The following CHAT variants were observed in gnomAD, a reference collection of about 807,000 sequenced individuals.
CHAT encodes acetyl CoA:choline O-acetyltransferase.
In CHAT, 61 loss-of-function variants were observed where a neutral mutation model predicts 76.9. That is an observed-to-expected ratio of 0.79 (90% CI 0.65 to 0.98). CHAT has a LOEUF of 0.98. CHAT is among the 50% of genes least tolerant of loss of function. The pLI, the probability that CHAT is intolerant of heterozygous loss-of-function variation, is 0.00. For synonymous variants in CHAT, 407 were observed against 397.4 expected (o/e 1.02, Z -0.29); for missense variants, 946 against 986.9 (o/e 0.96, Z 0.56).
chr10:49,634,538 G>T (rs72795715), intron 7 of CHAT, among the ~76,000 whole-genome samples: 1 of 151,948 alleles, frequency 6.6e-6, no homozygotes, highest in African/African-American at 2.4e-5. Context: ...TGAACTCTGT[G>T]GTGCATTTTG....
chr10:49,614,844 G>T (rs1838424453), intron 1 of CHAT, among the ~76,000 whole-genome samples: 1 of 152,254 alleles, frequency 6.6e-6, no homozygotes, highest in Non-Finnish European at 1.5e-5. Context: ...GGAGCAGGGG[G>T]TGGGGAAGGA....
In CHAT at chr10:49,665,718, A is replaced by C. The variant is rs1664496998; in HGVS notation, c.*672A>C. Among the ~76,000 whole-genome samples, 1 of 152,104 alleles carries C rather than the reference A, an allele frequency of 6.6e-6. No homozygotes were observed. Among genetic ancestry groups the C allele is most frequent in the Non-Finnish European group, 1.5e-5 (1 of 68,012 alleles). On this transcript the variant is annotated 3_prime_UTR_variant, in exon 15 of 15. Coordinates refer to ENST00000337653, the MANE Select transcript of CHAT (RefSeq NM_020549.5). ...CTGTTGAGCTCAGAAAATTGTGTCC[A>C]GCTATTCTGAAAGGAAAAAAAAATT...
In CHAT at chr10:49,619,907, A is replaced by C; in HGVS notation, c.570A>C (p.Thr190=). 1 of 1,611,590 alleles carries C rather than the reference A, an allele frequency of 6.2e-7. No individual in the cohort carries two copies. The change falls in exon 3 of 15, where the codon ACA becomes ACC. Residue 190 remains threonine (T), a synonymous_variant. Transcript: ENST00000337653. ...QQKLLERQEK[T]ANWVSEYWLN... ...AACTCCTGGAGCGGCAGGAGAAGAC[A>C]GCCAACTGGGTAAGAGGGGCAGACA... is the stretch of plus-strand genomic sequence containing the variant.
At chr10:49,660,582 T>C (rs1840163806) in intron 13 of CHAT, among the ~76,000 whole-genome samples, 1 of 152,218 alleles carries the variant, frequency 6.6e-6, no homozygotes, top group Admixed American at 6.5e-5. Context: ...TAAAAGACTG[T>C]AAGGAATTAC....
At chr10:49,615,689 C>T in intron 1 of CHAT, 1 of 321,756 alleles carries the variant, frequency 3.1e-6, no homozygotes, top group East Asian at 5.6e-5. Flanking sequence ...AATTGTGACC[C>T]ACAGCCTAAT....
At chr10:49,646,410 G>A (rs533450667) in intron 7 of CHAT, 95 bp from the exon 8 acceptor site, 531 of 1,484,006 alleles carry the variant, frequency 3.6e-4, no homozygotes, top group Non-Finnish European at 4.5e-4. Flanking sequence ...TGTGATCCCA[G>A]AAGACAGGGC....
chr10:49,651,869 C>T lies in CHAT; in HGVS notation c.1512-15C>T, dbSNP rs757451959. On this transcript the variant is annotated splice_polypyrimidine_tract_variant and intron_variant, in intron 10 of 14. Coordinates refer to ENST00000337653, the MANE Select transcript of CHAT (RefSeq NM_020549.5). The stretch of plus-strand genomic sequence containing the variant: ...TTTGCATGCAATAAAAACATCTTTT[C>T]TTTTTCTTCCTCAGAATAGTAAAGA... 15 of 1,611,834 alleles carry T rather than the reference C, an allele frequency of 9.3e-6. No individual in the cohort carries two copies. The highest frequency in any genetic ancestry group is 2.2e-5 in the East Asian group (1 of 44,890).
In CHAT at chr10:49,664,905, T is replaced by G; in HGVS notation, c.2106T>G (p.Thr702=). 1.2e-6 allele frequency: 2 copies of G among 1,614,190 alleles called. No individual in the cohort carries two copies. The highest frequency in any genetic ancestry group is 1.7e-6 in the Non-Finnish European group (2 of 1,180,022). The change falls in exon 15 of 15, where the codon ACT becomes ACG. Residue 702 remains threonine (T), a synonymous_variant. Coordinates refer to ENST00000337653, the MANE Select transcript of CHAT (RefSeq NM_020549.5). The part of the protein sequence containing the change: ...CISSFHSCKE[T]SSSKFAKAVE... ...CTAGCTTTCACAGCTGCAAAGAGAC[T>G]TCTTCTAGCAAGTTTGCAAAAGCTG...
intron 13 of CHAT, among the ~76,000 whole-genome samples, chr10:49,660,258 G>C (rs1195847355): frequency 6.6e-6 from 1 of 152,108 alleles, no homozygotes; most frequent in African/African-American, 2.4e-5. Flanking sequence ...GGCTGACACG[G>C]TGAAACCCCA....
chr10:49,612,383 G>A (rs754092930), upstream of CHAT: 2 of 1,539,530 alleles, frequency 1.3e-6, no homozygotes, highest in East Asian at 4.5e-5. Context: ...CTTGGGTCAA[G>A]GGGGCTGCTC....
At chr10:49,648,792 C>G (rs1164088286) in intron 9 of CHAT, among the ~76,000 whole-genome samples, 185 bp downstream of exon 9, 1 of 151,906 alleles carries the variant, frequency 6.6e-6, no homozygotes, top group East Asian at 1.9e-4. Flanking sequence ...TATGCGACAT[C>G]ATGTGCTTCA....
chr10:49,616,657 T>G, intron 2 of CHAT, 55 bp downstream of exon 2: 2 of 1,261,478 alleles, frequency 1.6e-6, no homozygotes, highest in Non-Finnish European at 2.3e-6. Flanking sequence ...TACATGCCCT[T>G]GCTTCTAGAA....
intron 13 of CHAT, among the ~76,000 whole-genome samples, chr10:49,656,486 G>T (rs1247951797): frequency 6.6e-6 from 1 of 152,140 alleles, no homozygotes; most frequent in Non-Finnish European, 1.5e-5. Context: ...GGAGGAGCCA[G>T]CTGTTTCCTC....
At position 49,616,033 on chromosome 10, in the gene CHAT, C is replaced by T. The variant is rs78095850; in HGVS notation, c.287-469C>T. On this transcript the variant is annotated intron_variant, in intron 1 of 14. Coordinates refer to ENST00000337653, the MANE Select transcript of CHAT (RefSeq NM_020549.5). Reference sequence around the variant, plus strand: ...CCTCCACCAACGGAGTGAGGGAATTCACCCTACTCCACACCAGAGATGTGG... The same window carrying T: ...CCTCCACCAACGGAGTGAGGGAATTTACCCTACTCCACACCAGAGATGTGG... 2,981 of 1,613,722 alleles carry T rather than the reference C, an allele frequency of 1.8e-3. 10 individuals are homozygous for T. Among genetic ancestry groups the T allele is most frequent in the South Asian group, 2.4e-3 (217 of 91,070 alleles).
intron 7 of CHAT, among the ~76,000 whole-genome samples, chr10:49,644,710 A>G (rs1836055560): frequency 6.6e-6 from 1 of 152,192 alleles, no homozygotes; most frequent in Non-Finnish European, 1.5e-5. Flanking sequence ...GGATTTGCAA[A>G]AAGTGAGGGA....
chr10:49,617,840 C>T (rs1325071777), intron 2 of CHAT, among the ~76,000 whole-genome samples: 4 of 152,184 alleles, frequency 2.6e-5, no homozygotes, highest in African/African-American at 9.7e-5. Context: ...TGTCCAGATC[C>T]ATCCTCGCAT....
At chr10:49,630,731 G>A (rs1564478888) in intron 7 of CHAT, among the ~76,000 whole-genome samples, 1 of 152,172 alleles carries the variant, frequency 6.6e-6, no homozygotes, top group Non-Finnish European at 1.5e-5. Context: ...TGGAATTCTT[G>A]CAAAGGCAAA....
chr10:49,624,123 C>T (rs1204760594), intron 5 of CHAT, among the ~76,000 whole-genome samples: 2 of 152,220 alleles, frequency 1.3e-5, no homozygotes, highest in Admixed American at 6.5e-5. Flanking sequence ...ACCTCTCTGG[C>T]CCTGTCTTCA....
rs2377871 is a variant in CHAT, at chr10:49,646,437, G to A, written c.1112-68G>A. On this transcript the variant is annotated intron_variant, in intron 7 of 14. Transcript: ENST00000337653. ...AGACAGGGCTGCCCTGCCCTGTGTGGGGCTCTGAGGAGGGAAGACTGGCCT... is the reference window on the plus strand; with the variant it reads ...AGACAGGGCTGCCCTGCCCTGTGTGAGGCTCTGAGGAGGGAAGACTGGCCT... 0.059 allele frequency: 93,132 copies of A among 1,586,360 alleles called. 4,506 individuals carry two copies. Among genetic ancestry groups the A allele is most frequent in the East Asian group, 0.21 (9,562 of 44,708 alleles).
Sources: allele counts gnomAD v4.1 joint callset (sites outside exome capture counted in the v4.1 genomes callset), GRCh38; gene constraint gnomAD v4.1.1; transcripts MANE v1.5; gene names NCBI Gene and HGNC (gene_info 2026-07-23, HGNC 2026-07-21).